CAP2: variants seen among roughly 807,000 people sequenced by gnomAD.
CAP2 encodes cyclase associated actin cytoskeleton regulatory protein 2.
A neutral mutation model predicts 57.7 loss-of-function variants in CAP2; 24 were observed. That is an observed-to-expected ratio of 0.42 (90% CI 0.30 to 0.58). The LOEUF (loss-of-function observed/expected upper bound fraction) is 0.58, where lower values mean the gene tolerates loss of function less well. CAP2 is among the 20% of genes least tolerant of loss of function. The pLI, the probability that CAP2 is intolerant of heterozygous loss-of-function variation, is 0.22. For missense variants in CAP2, 501 were observed against 590.3 expected (o/e 0.85, Z 1.57); for synonymous variants, 194 against 207.2 (o/e 0.94, Z 0.55).
At chr6:17,507,416 T>C (rs1349793103) in intron 5 of CAP2, 104 bp downstream of exon 5, 1 of 1,249,296 alleles carries the variant, frequency 8.0e-7, no homozygotes, top group African/African-American at 1.5e-5. Flanking sequence ...TGAAGGAAGC[T>C]TCTTCCTGGG....
At chr6:17,442,639 G>C (rs932573945) in intron 3 of CAP2, among the ~76,000 whole-genome samples, 1 of 152,058 alleles carries the variant, frequency 6.6e-6, no homozygotes, top group Non-Finnish European at 1.5e-5. Context: ...TGTAATCCCA[G>C]CATTTTTAGA....
chr6:17,511,100 A>G (rs115571371), intron 6 of CAP2, among the ~76,000 whole-genome samples: 2,262 of 152,304 alleles, frequency 0.015, 52 homozygotes, highest in African/African-American at 0.051. Context: ...AGCTCAGTGG[A>G]CTACCTCAAG....
At chr6:17,546,339 C>A (rs1763046110) in intron 11 of CAP2, among the ~76,000 whole-genome samples, 2 of 152,268 alleles carry the variant, frequency 1.3e-5, no homozygotes, top group East Asian at 1.9e-4. Context: ...GCATAAATGT[C>A]CTCATTTGAG....
At chr6:17,400,411 A>G (rs545011685) in intron 1 of CAP2, among the ~76,000 whole-genome samples, 102 of 152,344 alleles carry the variant, frequency 6.7e-4, no homozygotes, top group African/African-American at 2.2e-3. Context: ...TGACTGCTAT[A>G]TCCCTAGCAT....
intron 4 of CAP2, among the ~76,000 whole-genome samples, chr6:17,500,340 AATATATATATATATATATATAT>A (rs4052821): frequency 7.3e-4 from 24 of 33,076 alleles, no homozygotes; most frequent in Admixed American, 2.5e-3. Context: ...TGTGTGTCCA[AATATATATATATATATATATAT>A]ATATATATAT....
chr6:17,555,739 A>AT (rs1175786613), intron 12 of CAP2, among the ~76,000 whole-genome samples: 3 of 146,146 alleles, frequency 2.1e-5, no homozygotes, highest in Admixed American at 6.9e-5. Flanking sequence ...AATTTTTTGT[A>AT]TTTTTTTAGT....
chr6:17,475,212 A>G (rs1489381490), intron 4 of CAP2, among the ~76,000 whole-genome samples: 1 of 152,030 alleles, frequency 6.6e-6, no homozygotes, highest in Non-Finnish European at 1.5e-5. Context: ...AAAAAAAAGA[A>G]AGAAAAGCTA....
intron 2 of CAP2, 74 bp downstream of exon 2, chr6:17,421,750 A>C: frequency 9.1e-5 from 141 of 1,545,680 alleles, no homozygotes; most frequent in Non-Finnish European, 1.1e-4. Flanking sequence ...TTTCACTCTC[A>C]AGGAACATTT....
At chr6:17,449,340 CTTG>C (rs1340652191) in intron 3 of CAP2, among the ~76,000 whole-genome samples, 1 of 152,084 alleles carries the variant, frequency 6.6e-6, no homozygotes, top group East Asian at 1.9e-4. Context: ...TGTCATTTGA[CTTG>C]TTTTCAGTTT....
At chr6:17,415,588 AG>A (rs1315892658) in intron 1 of CAP2, among the ~76,000 whole-genome samples, 3 of 152,202 alleles carry the variant, frequency 2.0e-5, no homozygotes, top group Non-Finnish European at 2.9e-5. Flanking sequence ...TCAATCAAAA[AG>A]TATTTATAGT....
chr6:17,409,379 A>C (rs1759079104), intron 1 of CAP2, among the ~76,000 whole-genome samples: 1 of 151,296 alleles, frequency 6.6e-6, no homozygotes, highest in African/African-American at 2.4e-5. Context: ...CTCAAAAAAA[A>C]AGGAAGTGTG....
rs566619833 is a variant in CAP2, at chr6:17,461,836, C to CA, written c.223-1153dup. On this transcript the variant is annotated intron_variant, in intron 3 of 12. Coordinates refer to ENST00000229922, the MANE Select transcript of CAP2 (RefSeq NM_006366.3). ...TGAAACCCCGTCTCTACTAAAAATA[C>CA]AAAAAAATTAGCCAGGCGTGGTGGC... is the stretch of plus-strand genomic sequence containing the variant. Among the ~76,000 whole-genome samples the CA allele has an allele frequency of 3.1e-3, 463 of 149,182 alleles. 1 individual carries two copies. Among genetic ancestry groups the CA allele is most frequent in the African/African-American group, 0.011 (434 of 40,874 alleles).
intron 4 of CAP2, among the ~76,000 whole-genome samples, chr6:17,470,477 T>G (rs1760988909): frequency 6.6e-6 from 1 of 152,246 alleles, no homozygotes; most frequent in Non-Finnish European, 1.5e-5. Context: ...TTTTTTTTCT[T>G]GTTCACATAA....
In CAP2 at chr6:17,513,926, A is replaced by G. The variant is rs780599061; in HGVS notation, c.608A>G (p.His203Arg). 17 of 1,613,048 alleles carry G rather than the reference A, an allele frequency of 1.1e-5. No individual in the cohort carries two copies. Among genetic ancestry groups the G allele is most frequent in the Non-Finnish European group, 2.5e-6 (3 of 1,179,106 alleles). The part of the protein sequence containing the change: ...SELQAYIKEH[H>R]TTGLTWSKTG... The stretch of plus-strand genomic sequence containing the variant: ...CTTCAAGCATACATCAAGGAACACC[A>G]CACCACGGGCCTCACATGGAGCAAA... The change falls in exon 7 of 13, where the codon CAC becomes CGC. Residue 203 changes from histidine to arginine, a missense_variant. Physicochemically the swap from His to Arg is conservative, Grantham distance 29. Coordinates refer to ENST00000229922, the MANE Select transcript of CAP2 (RefSeq NM_006366.3). The surrounding 1 kb of genome is among the most constrained non-coding windows in gnomAD (Gnocchi z 4.3).
intron 1 of CAP2, among the ~76,000 whole-genome samples, chr6:17,401,070 T>A (rs1414997599): frequency 6.6e-6 from 1 of 152,178 alleles, no homozygotes; most frequent in Non-Finnish European, 1.5e-5. Context: ...CCATTTGTAA[T>A]CTTAGCTTCG....
chr6:17,467,530 G>C (rs1173199101), intron 4 of CAP2, among the ~76,000 whole-genome samples: 7 of 152,040 alleles, frequency 4.6e-5, no homozygotes, highest in East Asian at 1.9e-4. Context: ...CTTAACGTTT[G>C]TTTGTTTTTT....
rs566067195 is a variant in CAP2, at chr6:17,441,193, G to C, written c.222+14503G>C. On this transcript the variant is annotated intron_variant, in intron 3 of 12. Transcript: ENST00000229922. ...ATTGAGTCATTCTTATATTTTAGGA[G>C]GCTATTTAGTTATATCGAAGTGACC... Among the ~76,000 whole-genome samples, 13 of 151,184 alleles carry C rather than the reference G, an allele frequency of 8.6e-5. No individual in the cohort carries two copies. In the South Asian group the frequency reaches 2.7e-3, roughly 32 times the overall value.
intron 1 of CAP2, among the ~76,000 whole-genome samples, chr6:17,400,064 C>CAAA (rs370527132): frequency 3.4e-5 from 5 of 145,492 alleles, no homozygotes; most frequent in African/African-American, 1.3e-4. Flanking sequence ...ATTAAAAATA[C>CAAA]AAAAAAAAAA....
chr6:17,402,679 G>A (rs988620609), intron 1 of CAP2, among the ~76,000 whole-genome samples: 2 of 152,198 alleles, frequency 1.3e-5, no homozygotes, highest in African/African-American at 4.8e-5. Flanking sequence ...CTTAATACAT[G>A]TAAAACTGGC....
Sources: allele counts gnomAD v4.1 joint callset (sites outside exome capture counted in the v4.1 genomes callset), GRCh38; gene constraint gnomAD v4.1.1; non-coding constraint Gnocchi (gnomAD v3.1); transcripts MANE v1.5; gene names NCBI Gene and HGNC (gene_info 2026-07-23, HGNC 2026-07-21).